Variants in SGCD observed in about 807,000 individuals in gnomAD.
SGCD encodes the protein sarcoglycan delta.
A neutral mutation model predicts 36.6 loss-of-function variants in SGCD; 18 were observed. The ratio of observed to expected loss-of-function variants is 0.49; its 90% confidence interval spans 0.34 to 0.73. The LOEUF (loss-of-function observed/expected upper bound fraction) is 0.73, where lower values mean the gene tolerates loss of function less well. SGCD is among the 30% of genes least tolerant of loss of function. SGCD has a pLI of 0.01. For synonymous variants in SGCD, 133 were observed against 130.6 expected (o/e 1.02, Z -0.12); for missense variants, 387 against 346.7 (o/e 1.12, Z -0.92).
upstream of SGCD, among the ~76,000 whole-genome samples, chr5:156,325,429 C>T (rs1369914741): frequency 6.6e-6 from 1 of 152,000 alleles, no homozygotes; most frequent in Non-Finnish European, 1.5e-5. Flanking sequence ...GATTATCTCA[C>T]TGAATCCTTA....
the SGCD span, among the ~76,000 whole-genome samples, chr5:155,856,095 G>A: frequency 6.6e-6 from 1 of 152,020 alleles, no homozygotes; most frequent in Non-Finnish European, 1.5e-5. Context: ...AACTTGAAAA[G>A]GTAGCAATAC....
chr5:155,874,204 A>G (rs747730209), intron 1 of SGCD, among the ~76,000 whole-genome samples: 17 of 152,166 alleles, frequency 1.1e-4, no homozygotes, highest in Non-Finnish European at 1.6e-4. Flanking sequence ...TAACTCTATT[A>G]CAGAGAACAA....
chr5:156,264,735 T>C (rs1314032218), intron 3 of SGCD, among the ~76,000 whole-genome samples: 2 of 152,130 alleles, frequency 1.3e-5, no homozygotes, highest in Non-Finnish European at 2.9e-5. Context: ...CCACAACAGT[T>C]TGGGCATGTT....
chr5:156,178,210 G>GA (rs902322114), intron 3 of SGCD, among the ~76,000 whole-genome samples: 61 of 149,458 alleles, frequency 4.1e-4, no homozygotes, highest in African/African-American at 1.1e-3. Context: ...ACCCCAAAGT[G>GA]AAAAAAAAAA....
At chr5:156,192,244 G>A (rs771597176) in intron 3 of SGCD, among the ~76,000 whole-genome samples, 10 of 152,130 alleles carry the variant, frequency 6.6e-5, no homozygotes, top group African/African-American at 1.4e-4. Flanking sequence ...ACATTTTAGC[G>A]TGCTTAATTA....
chr5:156,581,035 G>A (rs537241524), intron 4 of SGCD, among the ~76,000 whole-genome samples: 1 of 152,228 alleles, frequency 6.6e-6, no homozygotes, highest in South Asian at 2.1e-4. Flanking sequence ...TCATCTTTGT[G>A]GTTTTGTCTA....
the SGCD span, among the ~76,000 whole-genome samples, chr5:155,864,586 T>C: frequency 6.6e-6 from 1 of 152,244 alleles, no homozygotes; most frequent in Non-Finnish European, 1.5e-5. Flanking sequence ...AGATTTACTG[T>C]TGCAATCTTG....
chr5:156,122,824 A>G (rs1023063891), intron 2 of SGCD, among the ~76,000 whole-genome samples: 35 of 125,910 alleles, frequency 2.8e-4, no homozygotes, highest in Admixed American at 1.2e-3. Flanking sequence ...TTGCACCAGC[A>G]TGGTAGTAAA....
At chr5:156,363,335 G>A (rs749799698) in intron 3 of SGCD, among the ~76,000 whole-genome samples, 1 of 152,106 alleles carries the variant, frequency 6.6e-6, no homozygotes, top group Non-Finnish European at 1.5e-5. Context: ...TATTAAGGGA[G>A]TCAGTGATTA....
At chr5:155,732,148 CTCAGGGCATTGCCTTCAGCAT>C in the SGCD span, among the ~76,000 whole-genome samples, 1 of 152,296 alleles carries the variant, frequency 6.6e-6, no homozygotes, top group African/African-American at 2.4e-5. Flanking sequence ...CTGAGGACTC[CTCAGGGCATTGCCTTCAGCAT>C]TCTTCATGTA....
chr5:156,511,352 C>A (rs1258441755), intron 4 of SGCD, among the ~76,000 whole-genome samples: 1 of 152,186 alleles, frequency 6.6e-6, no homozygotes, highest in African/African-American at 2.4e-5. Context: ...TAGGTCAAGC[C>A]ACTGTCTGTT....
intron 1 of SGCD, among the ~76,000 whole-genome samples, chr5:155,889,275 A>T (rs1756072389): frequency 6.6e-6 from 1 of 152,212 alleles, no homozygotes; most frequent in Admixed American, 6.5e-5. Context: ...TTTAAAAAAA[A>T]TTCAAAAAAA....
intron 1 of SGCD, among the ~76,000 whole-genome samples, chr5:156,115,041 C>T (rs895580935): frequency 2.6e-5 from 4 of 151,916 alleles, no homozygotes; most frequent in Non-Finnish European, 5.9e-5. Flanking sequence ...GTGCTAATCA[C>T]CCAGCTTTAG....
At chr5:156,631,036 G>T (rs1762612548) in intron 6 of SGCD, among the ~76,000 whole-genome samples, 1 of 152,110 alleles carries the variant, frequency 6.6e-6, no homozygotes, top group African/African-American at 2.4e-5. Flanking sequence ...AGGGCAATAT[G>T]GTCATAGATA....
chr5:156,726,755 T>C (rs889957019), intron 7 of SGCD, among the ~76,000 whole-genome samples: 1 of 152,186 alleles, frequency 6.6e-6, no homozygotes. Context: ...AATAACTGCT[T>C]TTTGTTATAT....
chr5:156,564,007 A>G (rs1759376823), intron 4 of SGCD, among the ~76,000 whole-genome samples: 1 of 152,254 alleles, frequency 6.6e-6, no homozygotes. Flanking sequence ...TGAAGCAGTG[A>G]TGCTTAATGG....
chr5:156,201,952 G>T (rs1764161004), intron 3 of SGCD, among the ~76,000 whole-genome samples: 1 of 152,156 alleles, frequency 6.6e-6, no homozygotes, highest in African/African-American at 2.4e-5. Context: ...CATCTGAGCA[G>T]CTCCCTGAGT....
chr5:156,590,263 C>A (rs1760674737), intron 5 of SGCD, among the ~76,000 whole-genome samples: 1 of 152,084 alleles, frequency 6.6e-6, no homozygotes. Context: ...ACCTTTGTGA[C>A]CATAGTCTTC....
chr5:156,392,950 G>T lies in SGCD; in HGVS notation c.192+48273G>T, dbSNP rs906626763. ...CTTGCTTGGGTCTCGGGTTTTTATA[G>T]GCACAGGATGGGGGCGTGGCGGGGA... On this transcript the variant is annotated intron_variant, in intron 3 of 8. Transcript: ENST00000337851. Among the ~76,000 whole-genome samples the T allele has an allele frequency of 6.6e-5, 10 of 152,108 alleles. No homozygotes were observed. The East Asian group carries it at 1.9e-3, about 29-fold the overall frequency.
Sources: gnomAD v4.1 joint callset for allele counts (sites outside exome capture counted in the v4.1 genomes callset) on GRCh38, gnomAD v4.1.1 for gene constraint, MANE v1.5 for transcripts, NCBI Gene and HGNC (gene_info 2026-07-23, HGNC 2026-07-21) for gene names.